Variants in TBL1XR1 observed in about 807,000 individuals in gnomAD.
TBL1XR1 encodes the protein TBL1X/Y related 1, also known as F-box-like/WD repeat-containing protein TBL1XR1.
In TBL1XR1, 5 loss-of-function variants were observed where a neutral mutation model predicts 66.9. That is an observed-to-expected ratio of 0.07 (90% CI 0.04 to 0.16). The LOEUF is 0.16. Among genes scored for constraint, TBL1XR1 ranks in the 10% least tolerant of loss-of-function variants. The pLI is 1.00. For synonymous variants in TBL1XR1, 210 were observed against 206.0 expected (o/e 1.02, Z -0.17); for missense variants, 238 against 623.2 (o/e 0.38, Z 6.58).
At chr3:177,182,305 G>A (rs1443221481) in intron 1 of TBL1XR1, among the ~76,000 whole-genome samples, 1 of 152,086 alleles carries the variant, frequency 6.6e-6, no homozygotes, top group Middle Eastern at 3.2e-3. Context: ...GACCACCTGA[G>A]CCCGGGGAGT....
chr3:177,171,595 C>T lies in TBL1XR1; in HGVS notation c.-122+25526G>A, dbSNP rs577558970. Among the ~76,000 whole-genome samples the T allele has an allele frequency of 9.7e-5, 14 of 144,400 alleles. No homozygotes were observed. In the South Asian group the frequency reaches 1.3e-3, roughly 14 times the overall value. The allele number at this position is 144,400 out of a possible 152,430, so 94.7% of individuals were successfully genotyped here. On this transcript the variant is annotated intron_variant, in intron 1 of 15. Transcript: ENST00000457928. ...GCGGGCGCCTGTAGTCCCAGCTACTCGGGAGGCTGAGGCAGGAGAATGGTG... is the reference window on the plus strand; with the variant it reads ...GCGGGCGCCTGTAGTCCCAGCTACTTGGGAGGCTGAGGCAGGAGAATGGTG...
At chr3:177,056,651 T>C (rs1036449115) in intron 3 of TBL1XR1, among the ~76,000 whole-genome samples, 14 of 152,190 alleles carry the variant, frequency 9.2e-5, no homozygotes, top group Admixed American at 8.5e-4. Flanking sequence ...ATTACTATGT[T>C]CAAAATCAAT....
intron 1 of TBL1XR1, among the ~76,000 whole-genome samples, chr3:177,112,105 ATAT>A (rs1318766303): frequency 1.9e-3 from 75 of 40,278 alleles, no homozygotes; most frequent in African/African-American, 8.8e-3. Flanking sequence ...ATATATATAT[ATAT>A]TTTTTTTTTT....
intron 1 of TBL1XR1, among the ~76,000 whole-genome samples, chr3:177,137,786 A>T (rs1414263986): frequency 6.6e-6 from 1 of 152,190 alleles, no homozygotes; most frequent in African/African-American, 2.4e-5. Flanking sequence ...CCTGGGCAAC[A>T]TGGCAAAACC....
At chr3:177,061,285 G>A (rs1036952801) in intron 3 of TBL1XR1, among the ~76,000 whole-genome samples, 1 of 151,934 alleles carries the variant, frequency 6.6e-6, no homozygotes, top group African/African-American at 2.4e-5. Context: ...TTTGGAGGTG[G>A]GAAACTTTCA....
chr3:177,074,763 A>G (rs1720476856), intron 2 of TBL1XR1, among the ~76,000 whole-genome samples: 1 of 152,228 alleles, frequency 6.6e-6, no homozygotes, highest in Non-Finnish European at 1.5e-5. Flanking sequence ...ATGTTAATGA[A>G]TAATATCTTA....
chr3:177,186,003 C>A (rs985460257), intron 1 of TBL1XR1, among the ~76,000 whole-genome samples: 5 of 151,932 alleles, frequency 3.3e-5, no homozygotes, highest in African/African-American at 1.2e-4. Context: ...AGAGCAAGAC[C>A]CTGCCTCAAA....
At chr3:177,163,494 A>G (rs1488262604) in intron 1 of TBL1XR1, among the ~76,000 whole-genome samples, 1 of 151,544 alleles carries the variant, frequency 6.6e-6, no homozygotes, top group East Asian at 1.9e-4. Context: ...GGGCAACAAG[A>G]GCAAAAACTC....
At chr3:177,153,309 A>G (rs1391912656) in intron 1 of TBL1XR1, among the ~76,000 whole-genome samples, 1 of 152,220 alleles carries the variant, frequency 6.6e-6, no homozygotes, top group Admixed American at 6.5e-5. Context: ...GAAGTTATTC[A>G]GCAGAAAGAA....
chr3:177,047,847 C>G (rs1716526927), intron 7 of TBL1XR1: 2 of 325,244 alleles, frequency 6.1e-6, no homozygotes, highest in Admixed American at 4.3e-5. Context: ...CACAGACTCA[C>G]ACAACTAAGA....
chr3:177,054,216 C>G (rs976799014), intron 3 of TBL1XR1, among the ~76,000 whole-genome samples: 4 of 152,080 alleles, frequency 2.6e-5, no homozygotes, highest in African/African-American at 4.8e-5. Flanking sequence ...CTTTTCTTAA[C>G]AAAAAGCATC....
In TBL1XR1 at chr3:177,034,222, G is replaced by C. The variant is rs1714436506; in HGVS notation, c.1226C>G (p.Pro409Arg). The part of the protein sequence containing the change: ...WSPTGPGTNN[P>R]NANLMLASAS... Reference sequence around the variant, plus strand: ...CCTTGCTAACATAAGGTTGGCATTTGGATTATTAGTCCCTGGTCCTGTTGG... The same window carrying C: ...CCTTGCTAACATAAGGTTGGCATTTCGATTATTAGTCCCTGGTCCTGTTGG... Residue 409 changes from proline to arginine, a missense_variant, in exon 13 of 16, where the codon CCA becomes CGA. Around this residue, in one of 8 missense-constraint regions of TBL1XR1, gnomAD observed 89 missense variants for 220.2 expected, o/e 0.40. Transcript: ENST00000457928. 1 of 1,600,370 alleles carries C rather than the reference G, an allele frequency of 6.2e-7. No homozygotes were observed. The highest frequency in any genetic ancestry group is 1.8e-5 in the Admixed American group (1 of 56,476).
At chr3:177,076,346 C>A (rs1440825227) in intron 2 of TBL1XR1, among the ~76,000 whole-genome samples, 3 of 152,204 alleles carry the variant, frequency 2.0e-5, no homozygotes, top group African/African-American at 7.2e-5. Flanking sequence ...GCCATGTTCT[C>A]CCTGTGTCTT....
At chr3:177,170,582 G>A (rs949348144) in intron 1 of TBL1XR1, among the ~76,000 whole-genome samples, 1 of 152,062 alleles carries the variant, frequency 6.6e-6, no homozygotes, top group South Asian at 2.1e-4. Context: ...GAATCGGGTG[G>A]GGAGAAAAAG....
chr3:177,095,207 AG>A (rs1279256877), intron 2 of TBL1XR1, among the ~76,000 whole-genome samples: 1 of 151,920 alleles, frequency 6.6e-6, no homozygotes, highest in Admixed American at 6.6e-5. Context: ...AGGACGGGCT[AG>A]GGGGAGAGGG....
At chr3:177,120,287 A>G (rs539452017) in intron 1 of TBL1XR1, among the ~76,000 whole-genome samples, 1 of 152,018 alleles carries the variant, frequency 6.6e-6, no homozygotes, top group South Asian at 2.1e-4. Context: ...CTCCTTCCTG[A>G]TGAAAGCTTT....
chr3:177,115,919 C>T (rs1370537008), intron 1 of TBL1XR1, among the ~76,000 whole-genome samples: 1 of 152,134 alleles, frequency 6.6e-6, no homozygotes, highest in African/African-American at 2.4e-5. Context: ...CCATATTGAT[C>T]AGTTCTGGCT....
At chr3:177,171,558 TGTG>T (rs1733501661) in intron 1 of TBL1XR1, 1 of 146,992 alleles carries the variant, frequency 6.8e-6, no homozygotes, top group Non-Finnish European at 1.5e-5. Context: ...ATTAACCAGG[TGTG>T]GTGTGGTGGC....
chr3:177,058,656 G>A (rs1718115960), intron 3 of TBL1XR1, among the ~76,000 whole-genome samples: 2 of 152,032 alleles, frequency 1.3e-5, no homozygotes, highest in Middle Eastern at 3.2e-3. Flanking sequence ...AAGCTGAAGG[G>A]GATATAAGCA....
Sources: allele counts gnomAD v4.1 joint callset (sites outside exome capture counted in the v4.1 genomes callset), GRCh38; gene constraint gnomAD v4.1.1; regional missense constraint gnomAD v4.1.1; transcripts MANE v1.5; gene names NCBI Gene and HGNC (gene_info 2026-07-23, HGNC 2026-07-21).